KDM4B: variants seen among roughly 807,000 people sequenced by gnomAD.
KDM4B encodes lysine-specific demethylase 4B.
A neutral mutation model predicts 125.2 loss-of-function variants in KDM4B; 32 were observed. That is an observed-to-expected ratio of 0.26 (90% CI 0.19 to 0.34). The LOEUF is 0.34. KDM4B is among the 10% of genes least tolerant of loss of function. The pLI is 1.00. For synonymous variants in KDM4B, 721 were observed against 677.9 expected, an observed-to-expected ratio of 1.06 and a Z score of -0.99; for missense variants, 1,190 against 1,577.7, an observed-to-expected ratio of 0.75 and a Z score of 4.16.
intron 11 of KDM4B, among the ~76,000 whole-genome samples, chr19:5,121,436 A>G (rs1408852631): frequency 6.6e-6 from 1 of 152,198 alleles, no homozygotes; most frequent in Non-Finnish European, 1.5e-5. Context: ...ACAATTCTCT[A>G]CTGAGAAGCA....
rs1479662372 is a variant in KDM4B, at chr19:4,971,216, A to G, written c.-109+1986A>G. ...GTTAACTGCTGGCGCTTAAAGGTAT[A>G]GCTGATCAGCCACCGCACAGCACCC... On this transcript the variant is annotated intron_variant, in intron 1 of 22. Transcript: ENST00000159111. This position sits in a 1 kb window ranked among gnomAD's most constrained non-coding sequence, Gnocchi z 4.1. 2.6e-5 allele frequency among the ~76,000 whole-genome samples: 4 copies of G among 152,052 alleles called. No individual in the cohort carries two copies. In the South Asian group the frequency reaches 6.2e-4, roughly 24 times the overall value.
chr19:5,080,357 C>T (rs925774378), intron 8 of KDM4B, among the ~76,000 whole-genome samples: 1 of 152,200 alleles, frequency 6.6e-6, no homozygotes, highest in African/African-American at 2.4e-5. Flanking sequence ...GATCAGCAGG[C>T]CTGAGAACTC....
At chr19:5,014,451 T>C (rs1196746171) in intron 1 of KDM4B, among the ~76,000 whole-genome samples, 1 of 152,082 alleles carries the variant, frequency 6.6e-6, no homozygotes, top group East Asian at 1.9e-4. Flanking sequence ...TAATTTTTTG[T>C]ATTTTTAGTA....
Position 5,135,493 on chromosome 19 carries a change from C to T in KDM4B, c.2240C>T (p.Ser747Phe), listed in dbSNP as rs1247645553. The T allele has an allele frequency of 6.2e-7, 1 of 1,612,704 alleles. No individual in the cohort carries two copies. Among genetic ancestry groups the T allele is most frequent in the East Asian group, 2.2e-5 (1 of 44,872 alleles). The change falls in exon 15 of 23, where the codon TCC becomes TTC. Residue 747 changes from serine (S) to phenylalanine (F), a missense_variant. By Grantham distance (155) the Ser-to-Phe change is radical. Coordinates refer to ENST00000159111, the MANE Select transcript of KDM4B (RefSeq NM_015015.3). ...AACACGGAGCCGCTGCCTGCCAACT[C>T]CTACATCGGCGACGACGGGACCAGC... The part of the protein sequence containing the change: ...GENTEPLPAN[S>F]YIGDDGTSPL...
chr19:5,033,814 C>G (rs1479386656), intron 3 of KDM4B, among the ~76,000 whole-genome samples: 3 of 152,166 alleles, frequency 2.0e-5, no homozygotes, highest in African/African-American at 7.2e-5. Flanking sequence ...ACCCCCGAAC[C>G]CCACATGCTG....
intron 9 of KDM4B, among the ~76,000 whole-genome samples, chr19:5,088,086 T>C (rs2038564736): frequency 6.6e-6 from 1 of 152,244 alleles, no homozygotes; most frequent in Non-Finnish European, 1.5e-5. Flanking sequence ...AGCCCATTCC[T>C]TGTGTTCACT....
rs1254693676 is a variant in KDM4B at position 5,119,285 on chromosome 19, C to T, written c.1116-368C>T. The T allele has an allele frequency of 7.3e-6, 8 of 1,090,928 alleles. No individual in the cohort carries two copies. In the Admixed American group the frequency reaches 1.6e-4, roughly 22 times the overall value. The allele number at this position is 1,090,928 out of a possible 1,614,324, so 67.6% of individuals were successfully genotyped here. A position where few individuals can be genotyped will look rare whatever the true frequency, so the allele number is the denominator to read the frequency against. ...CCATGAGCTGCTGTTTCCCTCGGAG[C>T]TCACACTCCCTGTGTCTCTGTCCCG... is the stretch of plus-strand genomic sequence containing the variant. On this transcript the variant is annotated intron_variant, in intron 10 of 22. Coordinates refer to ENST00000159111, the MANE Select transcript of KDM4B (RefSeq NM_015015.3).
chr19:5,062,157 G>A (rs747599276), intron 6 of KDM4B, among the ~76,000 whole-genome samples: 8 of 152,198 alleles, frequency 5.3e-5, no homozygotes, highest in East Asian at 1.9e-4. Context: ...AGCAGGCTGC[G>A]GTTGGTGACA....
intron 2 of KDM4B, among the ~76,000 whole-genome samples, chr19:5,031,757 T>C (rs1007392004): frequency 6.6e-6 from 1 of 152,140 alleles, no homozygotes; most frequent in Non-Finnish European, 1.5e-5. Flanking sequence ...GCCGTCCTGC[T>C]CAGATTCCTG....
chr19:5,067,767 A>C (rs1029080239), intron 6 of KDM4B, among the ~76,000 whole-genome samples: 1 of 152,146 alleles, frequency 6.6e-6, no homozygotes, highest in Non-Finnish European at 1.5e-5. Context: ...TGGCCCCTGC[A>C]CAGGAGCCAG....
At chr19:5,056,573 T>C (rs779529734) in intron 6 of KDM4B, among the ~76,000 whole-genome samples, 1 of 152,080 alleles carries the variant, frequency 6.6e-6, no homozygotes, top group Non-Finnish European at 1.5e-5. Flanking sequence ...ATTTGGCTGA[T>C]TTTTGTATTT....
chr19:5,073,541 C>T (rs575305640), intron 7 of KDM4B, among the ~76,000 whole-genome samples: 1 of 152,368 alleles, frequency 6.6e-6, no homozygotes, highest in African/African-American at 2.4e-5. Flanking sequence ...TAGCCACTGT[C>T]CCCTCCCTTC....
chr19:5,013,614 T>C (rs948308385), intron 1 of KDM4B, among the ~76,000 whole-genome samples: 3 of 152,074 alleles, frequency 2.0e-5, no homozygotes, highest in African/African-American at 7.2e-5. Context: ...TTGGGGCCCT[T>C]CCTCCCCCTT....
intron 1 of KDM4B, among the ~76,000 whole-genome samples, chr19:4,987,869 G>A (rs965996469): frequency 2.0e-4 from 30 of 152,162 alleles, no homozygotes; most frequent in African/African-American, 4.1e-4. Context: ...CTGGACTGGG[G>A]GTGGCTTTTG....
At position 5,134,078 on chromosome 19, in the gene KDM4B, C is replaced by T; in HGVS notation, c.2085+17C>T. 1 of 1,574,176 alleles carries T rather than the reference C, an allele frequency of 6.4e-7. No individual in the cohort carries two copies. The highest frequency in any genetic ancestry group is 8.6e-7 in the Non-Finnish European group (1 of 1,159,270). ...TACTGCCAGGTGGGCAGGCGGGCCT[C>T]ACGGGTCCCAGAGAACCCCAGGCAG... On this transcript the variant is annotated intron_variant, in intron 14 of 22. Coordinates refer to ENST00000159111, the MANE Select transcript of KDM4B (RefSeq NM_015015.3).
At chr19:5,019,528 G>A (rs1333534058) in intron 2 of KDM4B, among the ~76,000 whole-genome samples, 2 of 143,942 alleles carry the variant, frequency 1.4e-5, no homozygotes, top group African/African-American at 5.2e-5. Context: ...TGGTGTGCAC[G>A]TATTGGTGTG....
chr19:5,101,222 CA>C (rs751379008), intron 9 of KDM4B, among the ~76,000 whole-genome samples: 1,068 of 85,626 alleles, frequency 0.012, 8 homozygotes, highest in East Asian at 0.068. Flanking sequence ...GACTCCGTCT[CA>C]AAAAAAAAAA....
chr19:5,150,673 G>T (rs553562656), intron 22 of KDM4B, among the ~76,000 whole-genome samples: 1 of 152,130 alleles, frequency 6.6e-6, no homozygotes, highest in Admixed American at 6.5e-5. Flanking sequence ...GGGCGATGCC[G>T]TTAATGTGGG....
intron 12 of KDM4B, 45 bp downstream of exon 12, chr19:5,131,590 TGGGGCAGGGGAGGAGGGGGCAGGTGGGGC>T (rs764653413): frequency 8.5e-4 from 72 of 84,796 alleles, no homozygotes; most frequent in Middle Eastern, 9.4e-3. Context: ...GCAGGTGGGG[TGGGGCAGGGGAGGAGGGGGCAGGTGGGGC>T]ACAGGGGAGC....
Sources: allele counts gnomAD v4.1 joint callset (sites outside exome capture counted in the v4.1 genomes callset), GRCh38; gene constraint gnomAD v4.1.1; non-coding constraint Gnocchi (gnomAD v3.1); transcripts MANE v1.5; gene names NCBI Gene and HGNC (gene_info 2026-07-23, HGNC 2026-07-21).